Variants in FBXW7 observed in about 807,000 individuals in gnomAD.
FBXW7 encodes the protein F-box and WD repeat domain containing 7, also known as F-box/WD repeat-containing protein 7.
In FBXW7, 11 loss-of-function variants were observed where a neutral mutation model predicts 86.3. The ratio of observed to expected loss-of-function variants is 0.13; its 90% CI spans 0.08 to 0.21. The LOEUF is 0.21. FBXW7 is among the 10% of genes least tolerant of loss of function. FBXW7 has a pLI of 1.00. For synonymous variants in FBXW7, 313 were observed against 297.9 expected, an observed-to-expected ratio of 1.05 and a Z score of -0.52; for missense variants, 488 against 847.4, an observed-to-expected ratio of 0.58 and a Z score of 5.27.
intron 7 of FBXW7, among the ~76,000 whole-genome samples, chr4:152,336,419 T>C (rs1189977036): frequency 1.3e-5 from 2 of 152,086 alleles, no homozygotes; most frequent in Admixed American, 1.3e-4. Context: ...AACCTCACCA[T>C]TATTAGAAAT....
intron 4 of FBXW7, among the ~76,000 whole-genome samples, chr4:152,391,550 G>T (rs1207571364): frequency 6.6e-6 from 1 of 152,072 alleles, no homozygotes; most frequent in African/African-American, 2.4e-5. Flanking sequence ...GACTATCAGA[G>T]ATCAGTAAGA....
intron 2 of FBXW7, among the ~76,000 whole-genome samples, chr4:152,421,794 G>C (rs1341456713): frequency 6.6e-6 from 1 of 152,146 alleles, no homozygotes; most frequent in African/African-American, 2.4e-5. Context: ...CCTGAGAAAA[G>C]AGAGATGGGA....
At chr4:152,519,713 C>T (rs768737789) in intron 2 of FBXW7, among the ~76,000 whole-genome samples, 3 of 152,170 alleles carry the variant, frequency 2.0e-5, no homozygotes, top group Admixed American at 6.5e-5. Flanking sequence ...TGCTTCTTCA[C>T]GAGTCTGTTA....
chr4:152,530,892 T>C (rs1315441055), intron 2 of FBXW7: 1 of 152,266 alleles, frequency 6.6e-6, no homozygotes, highest in Non-Finnish European at 1.5e-5. Context: ...TCATGTGGCC[T>C]GTAAAACCTA....
chr4:152,394,843 A>G (rs1165176294), intron 4 of FBXW7, among the ~76,000 whole-genome samples: 3 of 152,086 alleles, frequency 2.0e-5, no homozygotes, highest in Non-Finnish European at 4.4e-5. Context: ...CGGTTTGTGC[A>G]AGGTCAAACT....
chr4:152,394,628 A>G (rs1340544375), intron 4 of FBXW7, among the ~76,000 whole-genome samples: 2 of 152,138 alleles, frequency 1.3e-5, no homozygotes, highest in Non-Finnish European at 2.9e-5. Flanking sequence ...CATTCCTCCC[A>G]GCCTGAACTA....
intron 6 of FBXW7, among the ~76,000 whole-genome samples, chr4:152,342,026 T>C (rs1005714308): frequency 6.6e-6 from 1 of 152,118 alleles, no homozygotes; most frequent in African/African-American, 2.4e-5. Context: ...TTACTGCTAC[T>C]TGAAAAGTGG....
intron 2 of FBXW7, among the ~76,000 whole-genome samples, chr4:152,440,243 T>C (rs557155576): frequency 2.0e-5 from 3 of 152,334 alleles, no homozygotes; most frequent in Non-Finnish European, 2.9e-5. Context: ...ACAAGGAAGA[T>C]GACAACCATT....
rs1297600447 is a variant in FBXW7, at chr4:152,411,504, T to C, written c.300A>G (p.Glu100=). 3 of 1,613,864 alleles carry C rather than the reference T, an allele frequency of 1.9e-6. No individual in the cohort carries two copies. The highest frequency in any genetic ancestry group is 1.3e-5 in the African/African-American group (1 of 75,036). ...DSSGNQEEQE[E]DEEHAGEQDE... is the part of the protein sequence containing the mutation. The stretch of plus-strand genomic sequence containing the variant: ...CTTGTTCACCAGCATGTTCTTCATC[T>C]TCCTCTTGTTCTTCTTGGTTTCCTG... Residue 100 remains glutamate (E), a synonymous_variant, in exon 4 of 14, where the codon GAA becomes GAG. Coordinates refer to ENST00000281708, the MANE Select transcript of FBXW7 (RefSeq NM_001349798.2).
intron 3 of FBXW7, 62 bp downstream of exon 3, chr4:152,412,418 C>T (rs1047411011): frequency 6.6e-6 from 1 of 151,280 alleles, no homozygotes; most frequent in Non-Finnish European, 1.5e-5. Context: ...AATTTTTTTA[C>T]AAATGACTGG....
chr4:152,468,427 A>C (rs1743647743), intron 2 of FBXW7, among the ~76,000 whole-genome samples: 1 of 152,204 alleles, frequency 6.6e-6, no homozygotes, highest in Non-Finnish European at 1.5e-5. Flanking sequence ...CACAAAAATG[A>C]ATGAAACACT....
chr4:152,357,032 A>G (rs757208025), intron 4 of FBXW7, among the ~76,000 whole-genome samples: 5 of 152,170 alleles, frequency 3.3e-5, no homozygotes, highest in Admixed American at 1.3e-4. Flanking sequence ...TCATACTGAA[A>G]TTAGTTCTAA....
chr4:152,418,483 G>A (rs2126906065), intron 2 of FBXW7, among the ~76,000 whole-genome samples: 1 of 152,206 alleles, frequency 6.6e-6, no homozygotes, highest in Middle Eastern at 3.4e-3. Context: ...AAGTCTTACT[G>A]GAAATCACCT....
At chr4:152,343,833 T>C (rs1730986125) in intron 6 of FBXW7, among the ~76,000 whole-genome samples, 1 of 152,162 alleles carries the variant, frequency 6.6e-6, no homozygotes, top group Non-Finnish European at 1.5e-5. Context: ...ATTTTTTTTT[T>C]TGGTTTTTGT....
At chr4:152,427,964 AT>A (rs1739533289) in intron 2 of FBXW7, among the ~76,000 whole-genome samples, 1 of 152,172 alleles carries the variant, frequency 6.6e-6, no homozygotes, top group Admixed American at 6.5e-5. Flanking sequence ...CCCAGACCAA[AT>A]TTTAAGGACC....
At chr4:152,430,988 C>T (rs1739842089) in intron 2 of FBXW7, among the ~76,000 whole-genome samples, 1 of 152,154 alleles carries the variant, frequency 6.6e-6, no homozygotes. Flanking sequence ...GCAGTACAAT[C>T]AAACAGTACC....
At chr4:152,354,019 AT>A (rs1732119703) in intron 4 of FBXW7, among the ~76,000 whole-genome samples, 1 of 152,144 alleles carries the variant, frequency 6.6e-6, no homozygotes. Flanking sequence ...ATGGTGGTAA[AT>A]GGCTTTCTTT....
chr4:152,495,426 G>A (rs1746240290), intron 2 of FBXW7, among the ~76,000 whole-genome samples: 1 of 151,980 alleles, frequency 6.6e-6, no homozygotes, highest in Non-Finnish European at 1.5e-5. Context: ...GGGCAACAGA[G>A]TGAAACTCAA....
chr4:152,532,064 T>C (rs1313273058), intron 2 of FBXW7, among the ~76,000 whole-genome samples: 2 of 152,330 alleles, frequency 1.3e-5, no homozygotes, highest in Middle Eastern at 6.8e-3. Context: ...TTTTCAGCTC[T>C]TCACTTTCCA....
Sources: allele counts gnomAD v4.1 joint callset (sites outside exome capture counted in the v4.1 genomes callset), GRCh38; gene constraint gnomAD v4.1.1; transcripts MANE v1.5; gene names NCBI Gene and HGNC (gene_info 2026-07-23, HGNC 2026-07-21).